TSEN2: variants seen among roughly 807,000 people sequenced by gnomAD.
The protein encoded by TSEN2 is tRNA-splicing endonuclease subunit Sen2.
TSEN2 carries 54 observed loss-of-function variants against 59.2 expected under a neutral mutation model. That is an observed-to-expected ratio of 0.91 (90% CI 0.73 to 1.14). The LOEUF (loss-of-function observed/expected upper bound fraction) is 1.14, where lower values mean the gene tolerates loss of function less well. Ranked by LOEUF, TSEN2 falls within the 50% of genes most tolerant of loss-of-function variation. TSEN2 has a pLI of 0.00. For missense variants in TSEN2, 636 were observed against 576.2 expected (o/e 1.10, Z -1.06); for synonymous variants, 195 against 198.2 (o/e 0.98, Z 0.14).
upstream of TSEN2, among the ~76,000 whole-genome samples, chr3:12,482,255 G>C (rs1239828639): frequency 6.6e-6 from 1 of 152,110 alleles, no homozygotes; most frequent in Non-Finnish European, 1.5e-5. Context: ...CAGGGTAGCT[G>C]GGATTATAGG....
upstream of TSEN2, among the ~76,000 whole-genome samples, chr3:12,483,836 T>C (rs2052316982): frequency 6.6e-6 from 1 of 152,168 alleles, no homozygotes; most frequent in South Asian, 2.1e-4. Flanking sequence ...GTTTTGCTCA[T>C]CTCCCGTAAT....
chr3:12,480,528 G>GGTTTTTTTTTTTTTTTTTTTTTTT (rs1553565213), upstream of TSEN2, among the ~76,000 whole-genome samples: 15 of 91,750 alleles, frequency 1.6e-4, no homozygotes, highest in South Asian at 1.0e-3. Flanking sequence ...TTGTTTCTTT[G>GGTTTTTTTTTTTTTTTTTTTTTTT]TTTTTTTTTT....
chr3:12,515,137 G>A (rs1226483614), intron 6 of TSEN2: 2 of 152,154 alleles, frequency 1.3e-5, no homozygotes, highest in Admixed American at 1.3e-4. Flanking sequence ...TTTGAGAACT[G>A]CTGCTATGAA....
At chr3:12,501,742 G>C (rs920230249) in intron 4 of TSEN2, among the ~76,000 whole-genome samples, 2 of 152,162 alleles carry the variant, frequency 1.3e-5, no homozygotes, top group Non-Finnish European at 2.9e-5. Context: ...AAGGTGAAAA[G>C]TAAAGTTACA....
At chr3:12,480,533 T>TG (rs1559251936), upstream of TSEN2, among the ~76,000 whole-genome samples, 1 of 140,304 alleles carries the variant, frequency 7.1e-6, no homozygotes, top group African/African-American at 2.7e-5. Flanking sequence ...TCTTTGTTTT[T>TG]TTTTTTTTTT....
upstream of TSEN2, chr3:12,484,468 C>A (rs1467048439): frequency 6.6e-6 from 1 of 152,288 alleles, no homozygotes; most frequent in Admixed American, 6.5e-5. Flanking sequence ...CGGTGTCCGC[C>A]CCACGGCCGG....
At chr3:12,511,309 TAAAAC>T (rs1437207639) in intron 6 of TSEN2, 1 of 152,082 alleles carries the variant, frequency 6.6e-6, no homozygotes, top group Non-Finnish European at 1.5e-5. Flanking sequence ...AAGTAACAAT[TAAAAC>T]AATATAGTCT....
chr3:12,492,041 C>A lies in TSEN2; in HGVS notation c.190-95C>A, dbSNP rs530790768. 8 of 1,063,182 alleles carry A rather than the reference C, an allele frequency of 7.5e-6. No homozygotes were observed. In the African/African-American group the frequency reaches 7.8e-5, roughly 10 times the overall value. 65.9% of individuals were successfully genotyped at this position (1,063,182 alleles called of 1,614,324 possible). A position where few individuals can be genotyped will look rare whatever the true frequency, so the allele number is the denominator to read the frequency against. Reference sequence around the variant, plus strand: ...ATCCACCAGAGGTCCTGGAACCAGCCCCCTGTGGATACTGAGGGATTACTG... The same window carrying A: ...ATCCACCAGAGGTCCTGGAACCAGCACCCTGTGGATACTGAGGGATTACTG... On this transcript the variant is annotated intron_variant, in intron 2 of 11. Coordinates refer to ENST00000284995, the MANE Select transcript of TSEN2 (RefSeq NM_025265.4).
At chr3:12,497,567 A>G (rs2053877364) in intron 4 of TSEN2, among the ~76,000 whole-genome samples, 1 of 152,152 alleles carries the variant, frequency 6.6e-6, no homozygotes, top group African/African-American at 2.4e-5. Context: ...TGGAGGAGCT[A>G]TAGTGCAGAC....
In TSEN2 at chr3:12,519,180, AG is replaced by A; in HGVS notation, c.1083del (p.Lys361AsnfsTer26). 6.2e-7 allele frequency: 1 copy of A among 1,614,240 alleles called. No homozygotes were observed. The highest frequency in any genetic ancestry group is 8.5e-7 in the Non-Finnish European group (1 of 1,180,052). ...SKGWVPKVGLKYGTDLLLYRK... is the reference protein window; with the variant it reads ...SKGWVPKVGLXYGTDLLLYRK... ...GGCTGGGTGCCCAAAGTGGGACTCA[AG>A]TACGGGACAGATTTACGTAAGTAAT... On this transcript the variant is annotated frameshift_variant, in exon 8 of 12. Transcript: ENST00000284995. LOFTEE classifies it high-confidence loss of function.
chr3:12,524,788 G>C (rs1363161972), intron 8 of TSEN2, among the ~76,000 whole-genome samples: 1 of 144,664 alleles, frequency 6.9e-6, no homozygotes, highest in Non-Finnish European at 1.5e-5. Context: ...TGTTGCTCAG[G>C]CTGGAGTGCA....
chr3:12,500,013 A>T (rs2054138081), intron 4 of TSEN2, among the ~76,000 whole-genome samples: 1 of 152,202 alleles, frequency 6.6e-6, no homozygotes, highest in Admixed American at 6.5e-5. Flanking sequence ...AAGGGTGCAG[A>T]AACATGAGAA....
intron 8 of TSEN2, among the ~76,000 whole-genome samples, chr3:12,524,700 T>C (rs1305969304): frequency 6.6e-6 from 1 of 151,346 alleles, no homozygotes; most frequent in Non-Finnish European, 1.5e-5. Flanking sequence ...CATATCTTTC[T>C]GGGAGCTGCC....
intron 1 of TSEN2, among the ~76,000 whole-genome samples, chr3:12,489,567 G>T (rs771269886): frequency 3.9e-5 from 6 of 152,148 alleles, no homozygotes; most frequent in African/African-American, 9.7e-5. Flanking sequence ...ATTTCCTGGG[G>T]TTTATTGTGG....
chr3:12,504,881 G>A (rs564627782), intron 5 of TSEN2, among the ~76,000 whole-genome samples: 1 of 152,218 alleles, frequency 6.6e-6, no homozygotes, highest in South Asian at 2.1e-4. Context: ...CACGCCTGTA[G>A]TCCCAGCTAC....
intron 3 of TSEN2, among the ~76,000 whole-genome samples, chr3:12,494,378 A>C (rs1293254633): frequency 6.6e-6 from 1 of 152,168 alleles, no homozygotes; most frequent in African/African-American, 2.4e-5. Flanking sequence ...TGGAAATATA[A>C]AATAGATATT....
Position 12,488,092 on chromosome 3 carries a change from ACTG to A in TSEN2, c.-17-1691_-17-1689del, listed in dbSNP as rs1276392391. Among the ~76,000 whole-genome samples, 3 of 152,264 alleles carry A rather than the reference ACTG, an allele frequency of 2.0e-5. No homozygotes were observed. The South Asian group carries it at 6.2e-4, about 32-fold the overall frequency. On this transcript the variant is annotated intron_variant, in intron 1 of 11. Transcript: ENST00000284995. ...CAGCTTCTTCCTTGAGAAGTTGGATACTGATATCATCACACGTTGGATAAGCCT... is the reference window on the plus strand; with the variant it reads ...CAGCTTCTTCCTTGAGAAGTTGGATAATATCATCACACGTTGGATAAGCCT...
chr3:12,495,965 A>C (rs775162811), intron 3 of TSEN2, among the ~76,000 whole-genome samples: 1 of 152,214 alleles, frequency 6.6e-6, no homozygotes, highest in Non-Finnish European at 1.5e-5. Flanking sequence ...GCCTGTCAGA[A>C]CTGCGCCCTC....
At chr3:12,524,032 A>G (rs1186750165) in intron 8 of TSEN2, among the ~76,000 whole-genome samples, 3 of 152,234 alleles carry the variant, frequency 2.0e-5, no homozygotes, top group Admixed American at 1.3e-4. Context: ...ATTACTTAAT[A>G]TCATCCAAAT....
Sources: allele counts gnomAD v4.1 joint callset (sites outside exome capture counted in the v4.1 genomes callset), GRCh38; gene constraint gnomAD v4.1.1; transcripts MANE v1.5; gene names NCBI Gene and HGNC (gene_info 2026-07-23, HGNC 2026-07-21).